The following MYLK3 variants were observed in gnomAD, a reference collection of about 807,000 sequenced individuals.
MYLK3 encodes the protein myosin light chain kinase 3, also known as MLC kinase.
A neutral mutation model predicts 76.3 loss-of-function variants in MYLK3; 55 were observed. The ratio of observed to expected loss-of-function variants is 0.72; its 90% CI spans 0.58 to 0.90. MYLK3 has a LOEUF of 0.90. Among genes scored for constraint, MYLK3 ranks in the 40% least tolerant of loss-of-function variants. The pLI, the probability that MYLK3 is intolerant of heterozygous loss-of-function variation, is 0.00. For missense variants in MYLK3, 973 were observed against 1,053.6 expected, an observed-to-expected ratio of 0.92 and a Z score of 1.06; for synonymous variants, 416 against 425.4, an observed-to-expected ratio of 0.98 and a Z score of 0.27.
upstream of MYLK3, among the ~76,000 whole-genome samples, chr16:46,750,176 C>T (rs1356409882): frequency 6.6e-6 from 1 of 152,180 alleles, no homozygotes; most frequent in Non-Finnish European, 1.5e-5. Flanking sequence ...CCCTGCAGAT[C>T]GGGGCTCCCT....
rs1450496795 is a variant in MYLK3 at position 46,704,178 on chromosome 16, C to CA, written c.*3525dup. The CA allele has an allele frequency of 6.6e-6, 1 of 151,562 alleles. No individual in the cohort carries two copies. The highest frequency in any genetic ancestry group is 1.5e-5 in the Non-Finnish European group (1 of 67,908). 9.4% of individuals were successfully genotyped at this position (151,562 alleles called of 1,614,324 possible). A position where few individuals can be genotyped will look rare whatever the true frequency, so the allele number is the denominator to read the frequency against. On this transcript the variant is annotated 3_prime_UTR_variant, in exon 13 of 13. Coordinates refer to ENST00000394809, the MANE Select transcript of MYLK3 (RefSeq NM_182493.3). ...AGGCTGGAGTGCAGTGGTGTGATCTCAGCTCACTGCAACCCCTGCCTCCTG... is the reference window on the plus strand; with the variant it reads ...AGGCTGGAGTGCAGTGGTGTGATCTCAAGCTCACTGCAACCCCTGCCTCCTG...
At chr16:46,744,733 C>A (rs1192018201) in intron 1 of MYLK3, among the ~76,000 whole-genome samples, 1 of 152,084 alleles carries the variant, frequency 6.6e-6, no homozygotes, top group Non-Finnish European at 1.5e-5. Context: ...AGTGCAGTGG[C>A]TCGTGCCTAT....
chr16:46,737,995 G>A lies in MYLK3; in HGVS notation c.717C>T (p.His239=), dbSNP rs768296670. Reference sequence around the variant, plus strand: ...CTTCCACCTTTGTGGGCAGGGGCAGGTGGCCAGGGAATGCCTGGGCTGGGC... The same window carrying A: ...CTTCCACCTTTGTGGGCAGGGGCAGATGGCCAGGGAATGCCTGGGCTGGGC... ...VPGPAQAFPG[H]LPLPTKVEAK... The change falls in exon 3 of 13, where the codon CAC becomes CAT. Residue 239 remains histidine, a synonymous_variant. Coordinates refer to ENST00000394809, the MANE Select transcript of MYLK3 (RefSeq NM_182493.3). The A allele has an allele frequency of 6.2e-7, 1 of 1,613,906 alleles. No homozygotes were observed. The highest frequency in any genetic ancestry group is 8.5e-7 in the Non-Finnish European group (1 of 1,180,016).
Position 46,730,651 on chromosome 16 carries a change from C to T in MYLK3, c.1510G>A (p.Val504Ile), listed in dbSNP as rs528981118. ...PAPFEHRVVS[V>I]KETSISAGYE... ...CCCGCAGAGATGGAGGTCTCCTTGA[C>T]GCTCACTACCCGGTGTTCAAAAGGA... The change falls in exon 5 of 13, where the codon GTC (valine) becomes ATC (isoleucine). Residue 504 changes from valine to isoleucine, a missense_variant. Val to Ile is a conservative substitution (Grantham distance 29, BLOSUM62 3). Transcript: ENST00000394809. 17 of 1,614,056 alleles carry T rather than the reference C, an allele frequency of 1.1e-5. No homozygotes were observed. The highest frequency in any genetic ancestry group is 1.7e-5 in the Admixed American group (1 of 60,026).
chr16:46,713,929 A>G (rs1314554629), intron 9 of MYLK3, among the ~76,000 whole-genome samples: 1 of 152,206 alleles, frequency 6.6e-6, no homozygotes, highest in African/African-American at 2.4e-5. Context: ...TTGAAGCTGA[A>G]CAGTATTCAT....
chr16:46,737,337 T>G (rs1454424226), intron 3 of MYLK3, among the ~76,000 whole-genome samples: 1 of 152,154 alleles, frequency 6.6e-6, no homozygotes, highest in Non-Finnish European at 1.5e-5. Context: ...CAGGGGCAGG[T>G]GCTCCGTGAG....
At chr16:46,762,362 A>C (rs942290504) in intron 1 of MYLK3, among the ~76,000 whole-genome samples, 2 of 152,146 alleles carry the variant, frequency 1.3e-5, no homozygotes, top group Non-Finnish European at 2.9e-5. Flanking sequence ...TTTATTACTC[A>C]ACAATTTTTT....
chr16:46,709,626 A>C lies in MYLK3; in HGVS notation c.2313T>G (p.Asn771Lys). 1 of 1,614,180 alleles carries C rather than the reference A, an allele frequency of 6.2e-7. No individual in the cohort carries two copies. The highest frequency in any genetic ancestry group is 8.5e-7 in the Non-Finnish European group (1 of 1,180,034). The change falls in exon 12 of 13, where the codon AAT becomes AAG. Residue 771 changes from asparagine to lysine, a missense_variant. Around this residue, in one of 2 missense-constraint regions of MYLK3, gnomAD observed 332 missense variants for 416.6 expected, o/e 0.80. Transcript: ENST00000394809. ...ATQCLKHEWL[N>K]NLPAKASRSK... ...ATCTTGAAGCTTTGGCAGGCAAATT[A>C]TTCAGCCACTCGTGTTTCAGGCACT...
intron 11 of MYLK3, 108 bp from the exon 12 acceptor site, chr16:46,709,779 T>C (rs1966664611): frequency 7.8e-7 from 1 of 1,276,948 alleles, no homozygotes; most frequent in Admixed American, 2.4e-5. Flanking sequence ...GATTAATCAT[T>C]TAGGCAGATT....
At chr16:46,735,293 C>T (rs573202049) in intron 3 of MYLK3, among the ~76,000 whole-genome samples, 7 of 152,188 alleles carry the variant, frequency 4.6e-5, no homozygotes, top group Non-Finnish European at 7.3e-5. Flanking sequence ...GCAACCTCCG[C>T]CTCCCAGGTT....
At chr16:46,710,878 G>A in intron 10 of MYLK3, 89 bp from the exon 11 acceptor site, 1 of 1,514,554 alleles carries the variant, frequency 6.6e-7, no homozygotes, top group South Asian at 1.1e-5. Flanking sequence ...GAGTTCAAGT[G>A]GACCTAGCCA....
chr16:46,754,035 G>T (rs1156602118), intron 1 of MYLK3, among the ~76,000 whole-genome samples: 1 of 152,240 alleles, frequency 6.6e-6, no homozygotes, highest in Admixed American at 6.5e-5. Context: ...AGAGGCCTTG[G>T]AATTTAAAAA....
chr16:46,740,515 A>C (rs1162505094), intron 1 of MYLK3, among the ~76,000 whole-genome samples: 1 of 129,732 alleles, frequency 7.7e-6, no homozygotes, highest in East Asian at 2.2e-4. Context: ...AAATATATAC[A>C]TAAATATATA....
Position 46,732,652 on chromosome 16 carries a change from G to A in MYLK3, c.1018C>T (p.Gln340Ter), listed in dbSNP as rs1208003274. Residue 340 changes from glutamine to a stop codon, truncating the protein, a stop_gained, in exon 4 of 13, where the codon CAA becomes TAA. Coordinates refer to ENST00000394809, the MANE Select transcript of MYLK3 (RefSeq NM_182493.3). LOFTEE classifies it high-confidence loss of function. Reference sequence around the variant, plus strand: ...ATCTCCCCAGGAGTATCCATCTCTTGTATGTGGATGGAGATCCTGGGGTGG... The same window carrying A: ...ATCTCCCCAGGAGTATCCATCTCTTATATGTGGATGGAGATCCTGGGGTGG... ...ETPPRISIHI[Q>*]EMDTPGEMLM... 2.0e-6 allele frequency: 3 copies of A among 1,523,056 alleles called. No individual in the cohort carries two copies. Among genetic ancestry groups the A allele is most frequent in the East Asian group, 2.3e-5 (1 of 44,050 alleles). 94.3% of individuals were successfully genotyped at this position (1,523,056 alleles called of 1,614,324 possible). A position where few individuals can be genotyped will look rare whatever the true frequency, so the allele number is the denominator to read the frequency against.
intron 1 of MYLK3, 105 bp from the exon 2 acceptor site, chr16:46,740,252 G>A: frequency 1.2e-6 from 1 of 833,386 alleles, no homozygotes; most frequent in South Asian, 1.5e-5. Flanking sequence ...AGGGCATTTA[G>A]ATTACTTCAC....
chr16:46,760,182 G>C (rs776039893), intron 1 of MYLK3, among the ~76,000 whole-genome samples: 1 of 152,190 alleles, frequency 6.6e-6, no homozygotes, highest in Admixed American at 6.5e-5. Flanking sequence ...GAGGTCACAG[G>C]GAGAGTCCGC....
chr16:46,756,082 T>G (rs555045359), intron 1 of MYLK3, among the ~76,000 whole-genome samples: 26 of 152,034 alleles, frequency 1.7e-4, no homozygotes, highest in African/African-American at 5.5e-4. Context: ...GCTAATTTTT[T>G]GTATTTCAGT....
intron 7 of MYLK3, 145 bp from the exon 8 acceptor site, chr16:46,727,522 G>T: frequency 1.1e-6 from 1 of 898,444 alleles, no homozygotes; most frequent in Non-Finnish European, 1.6e-6. Context: ...CACTGCCCTT[G>T]GGTTTTTTGT....
rs1966609285 is a variant in MYLK3, at chr16:46,704,816, A to G, written c.*2888T>C. 6.6e-6 allele frequency: 1 copy of G among 152,170 alleles called. No individual in the cohort carries two copies. The highest frequency in any genetic ancestry group is 2.4e-5 in the African/African-American group (1 of 41,430). The allele number at this position is 152,170 out of a possible 1,614,324, so 9.4% of individuals were successfully genotyped here. Reference sequence around the variant, plus strand: ...CATTCTCCAGAATCTTAAGTCGAAAACAGGGTATGAACCACAATAGAACTA... The same window carrying G: ...CATTCTCCAGAATCTTAAGTCGAAAGCAGGGTATGAACCACAATAGAACTA... On this transcript the variant is annotated 3_prime_UTR_variant, in exon 13 of 13. Transcript: ENST00000394809.
Sources: gnomAD v4.1 joint callset for allele counts (sites outside exome capture counted in the v4.1 genomes callset) on GRCh38, gnomAD v4.1.1 for gene constraint, gnomAD v4.1.1 regional missense constraint, MANE v1.5 for transcripts, NCBI Gene and HGNC (gene_info 2026-07-23, HGNC 2026-07-21) for gene names.